Variants in ABCG4 observed in about 807,000 individuals in gnomAD.
ABCG4 encodes the protein ATP binding cassette subfamily G member 4, also known as ATP-binding cassette sub-family G member 4.
Under a neutral mutation model 64.6 loss-of-function variants are expected in ABCG4, and 35 were observed. The observed-to-expected ratio is 0.54, with a 90% CI of 0.41 to 0.72. The LOEUF is 0.72. ABCG4 is among the 30% of genes least tolerant of loss of function. The probability of loss-of-function intolerance (pLI) is 0.00; values close to 1 mark genes in which losing one functional copy is unlikely to be tolerated. For synonymous variants in ABCG4, 326 were observed against 348.2 expected (o/e 0.94, Z 0.71); for missense variants, 610 against 846.3 (o/e 0.72, Z 3.46).
At position 119,150,083 on chromosome 11, in the gene ABCG4, G is replaced by C; in HGVS notation, c.118G>C (p.Val40Leu). The change falls in exon 2 of 15, where the codon GTG becomes CTG. Residue 40 changes from valine (V) to leucine (L), a missense_variant. Physicochemically the swap from Val to Leu is conservative, Grantham distance 32 (BLOSUM62 1). Transcript: ENST00000619701. The surrounding 1 kb of genome is among the most constrained non-coding windows in gnomAD (Gnocchi z 4.3). Reference protein sequence around the residue: ...PPVLTTHLKKVENHITEAQRF... With the variant: ...PPVLTTHLKKLENHITEAQRF... ...TGTGCTGACCACGCACCTGAAGAAG[G>C]TGGAGAACCACATCACTGAAGCCCA... 5 of 1,614,178 alleles carry C rather than the reference G, an allele frequency of 3.1e-6. No individual in the cohort carries two copies. The highest frequency in any genetic ancestry group is 4.2e-6 in the Non-Finnish European group (5 of 1,180,026).
chr11:119,160,714 A>G lies in ABCG4; in HGVS notation c.1715+58A>G. The G allele has an allele frequency of 6.4e-7, 1 of 1,554,608 alleles. No homozygotes were observed. The highest frequency in any genetic ancestry group is 8.9e-7 in the Non-Finnish European group (1 of 1,127,578). ...CTCCTCCCTGGAGGAGTCCATACCCAGGGCTTCCTGGGTTGTGCCAAGTCT... is the reference window on the plus strand; with the variant it reads ...CTCCTCCCTGGAGGAGTCCATACCCGGGGCTTCCTGGGTTGTGCCAAGTCT... On this transcript the variant is annotated intron_variant, in intron 14 of 14. Coordinates refer to ENST00000619701, the MANE Select transcript of ABCG4 (RefSeq NM_022169.5). The surrounding 1 kb of genome is among the most constrained non-coding windows in gnomAD (Gnocchi z 4.6).
intron 9 of ABCG4, among the ~76,000 whole-genome samples, chr11:119,157,809 T>C (rs969342567): frequency 2.0e-5 from 3 of 152,048 alleles, no homozygotes; most frequent in Non-Finnish European, 4.4e-5. Flanking sequence ...GAGCTTGCAG[T>C]GAGCTGAGAT....
In ABCG4 at chr11:119,154,804, C is replaced by T. The variant is rs141832911; in HGVS notation, c.575C>T (p.Ser192Leu). The T allele has an allele frequency of 5.7e-5, 92 of 1,613,434 alleles. 1 individual carries two copies. The African/African-American group carries it at 9.5e-4, about 17-fold the overall frequency. ...ATCCTGACGGCACTGGGCCTGATGT[C>T]GTGCTCCCACACGAGGACAGCCCTG... ...TEILTALGLM[S>L]CSHTRTALLS... The change falls in exon 6 of 15, where the codon TCG becomes TTG. Residue 192 changes from serine (S) to leucine (L), a missense_variant. Physicochemically the swap from Ser to Leu is moderately radical, Grantham distance 145. Transcript: ENST00000619701. The surrounding 1 kb of genome is among the most constrained non-coding windows in gnomAD (Gnocchi z 7.0).
In ABCG4 at chr11:119,158,758, G is replaced by T. The variant is rs1199021514; in HGVS notation, c.1336+33G>T. ...GAGCTGCCCTGGGCATGGGGCAAGG[G>T]TGTGGGTGCTGGGGCTTGGGGCAGG... On this transcript the variant is annotated intron_variant, in intron 11 of 14. Coordinates refer to ENST00000619701, the MANE Select transcript of ABCG4 (RefSeq NM_022169.5). The surrounding 1 kb of genome is among the most constrained non-coding windows in gnomAD (Gnocchi z 4.5). 1.9e-6 allele frequency: 3 copies of T among 1,614,178 alleles called. No individual in the cohort carries two copies. The highest frequency in any genetic ancestry group is 1.1e-5 in the South Asian group (1 of 91,088).
chr11:119,158,587 G>C lies in ABCG4; in HGVS notation c.1198G>C (p.Val400Leu). 6.2e-7 allele frequency: 1 copy of C among 1,614,186 alleles called. No homozygotes were observed. Among genetic ancestry groups the C allele is most frequent in the Non-Finnish European group, 8.5e-7 (1 of 1,180,032 alleles). ...VLTHLRFMSH[V>L]VIGVLIGLLY... Reference sequence around the variant, plus strand: ...GACCCACCTACGGTTCATGTCCCACGTGGTTATTGGCGTGCTCATCGGCCT... The same window carrying C: ...GACCCACCTACGGTTCATGTCCCACCTGGTTATTGGCGTGCTCATCGGCCT... Residue 400 changes from valine (V) to leucine (L), a missense_variant, in exon 11 of 15, where the codon GTG (valine) becomes CTG (leucine). Val to Leu is a conservative substitution (Grantham distance 32). Transcript: ENST00000619701. The surrounding 1 kb of genome is among the most constrained non-coding windows in gnomAD (Gnocchi z 4.5).
In ABCG4 at chr11:119,158,229, C is replaced by CTT; in HGVS notation, c.1069-5_1069-4insTT. On this transcript the variant is annotated splice_region_variant and splice_polypyrimidine_tract_variant and intron_variant, in intron 9 of 14. Transcript: ENST00000619701. This position sits in a 1 kb window ranked among gnomAD's most constrained non-coding sequence, Gnocchi z 4.5. The stretch of plus-strand genomic sequence containing the variant: ...CCTGATCCCGATCCAATTTCTTCTT[C>CTT]CCAGGAAGTGGATCCCATTGAAAGC... 1 of 1,577,232 alleles carries CTT rather than the reference C, an allele frequency of 6.3e-7. No individual in the cohort carries two copies. Among genetic ancestry groups the CTT allele is most frequent in the African/African-American group, 1.3e-5 (1 of 74,272 alleles).
Position 119,158,465 on chromosome 11 carries a change from G to A in ABCG4, c.1168-92G>A, listed in dbSNP as rs1276431144. 1.3e-6 allele frequency: 2 copies of A among 1,578,066 alleles called. No individual in the cohort carries two copies. Among genetic ancestry groups the A allele is most frequent in the African/African-American group, 1.3e-5 (1 of 74,154 alleles). On this transcript the variant is annotated intron_variant, in intron 10 of 14. Coordinates refer to ENST00000619701, the MANE Select transcript of ABCG4 (RefSeq NM_022169.5). The surrounding 1 kb of genome is among the most constrained non-coding windows in gnomAD (Gnocchi z 4.5). ...ATGTGCCTGTGGGGTCTCTGTGCCT[G>A]TGAGGGCAGCTCCGAGTTCCTACTC...
In ABCG4 at chr11:119,156,538, T is replaced by G; in HGVS notation, c.811-26T>G. 3 of 1,614,076 alleles carry G rather than the reference T, an allele frequency of 1.9e-6. No individual in the cohort carries two copies. Among genetic ancestry groups the G allele is most frequent in the Non-Finnish European group, 2.5e-6 (3 of 1,179,988 alleles). ...TAGGGGTGCCTGGCCCGCTGTTCCT[T>G]CCTTACCCTTCTCTTTCTGCTGCAG... On this transcript the variant is annotated intron_variant, in intron 7 of 14. Coordinates refer to ENST00000619701, the MANE Select transcript of ABCG4 (RefSeq NM_022169.5). The surrounding 1 kb of genome is among the most constrained non-coding windows in gnomAD (Gnocchi z 5.5).
Position 119,156,991 on chromosome 11 carries a change from G to T in ABCG4, c.1045G>T (p.Ala349Ser). The T allele has an allele frequency of 6.2e-7, 1 of 1,611,270 alleles. No individual in the cohort carries two copies. Residue 349 changes from alanine to serine, a missense_variant, in exon 9 of 15, where the codon GCC becomes TCC. Ala to Ser is a moderately conservative substitution (Grantham distance 99, BLOSUM62 1). Coordinates refer to ENST00000619701, the MANE Select transcript of ABCG4 (RefSeq NM_022169.5). This position sits in a 1 kb window ranked among gnomAD's most constrained non-coding sequence, Gnocchi z 5.5. ...KSSPEKNEVP[A>S]PCPPCPPEVD... ...CAGCCCTGAGAAGAACGAGGTCCCT[G>T]CCCCATGCCCTCCTTGTCCTCCGGT... is the stretch of plus-strand genomic sequence containing the variant.
At position 119,150,003 on chromosome 11, in the gene ABCG4, T is replaced by A; in HGVS notation, c.38T>A (p.Leu13Gln). ...GCGCTGGAGGCCGTGGGCTGTGGAC[T>A]AGGGCCGGGGGCTGTGGCCATGGCC... is the stretch of plus-strand genomic sequence containing the variant. Reference protein sequence around the residue: ...EKALEAVGCGLGPGAVAMAVT... With the variant: ...EKALEAVGCGQGPGAVAMAVT... The change falls in exon 2 of 15, where the codon CTA (leucine) becomes CAA (glutamine). Residue 13 changes from leucine to glutamine, a missense_variant. Leu to Gln is a moderately radical substitution (Grantham distance 113, BLOSUM62 -2). Coordinates refer to ENST00000619701, the MANE Select transcript of ABCG4 (RefSeq NM_022169.5). The surrounding 1 kb of genome is among the most constrained non-coding windows in gnomAD (Gnocchi z 4.3). The A allele has an allele frequency of 1.2e-6, 2 of 1,610,768 alleles. No homozygotes were observed. Among genetic ancestry groups the A allele is most frequent in the Non-Finnish European group, 1.7e-6 (2 of 1,179,752 alleles).
Position 119,150,148 on chromosome 11 carries a change from C to CGA in ABCG4, c.185_186dup (p.Phe63SerfsTer36). On this transcript the variant is annotated frameshift_variant, in exon 2 of 15. Coordinates refer to ENST00000619701, the MANE Select transcript of ABCG4 (RefSeq NM_022169.5). LOFTEE classifies it high-confidence loss of function. This position sits in a 1 kb window ranked among gnomAD's most constrained non-coding sequence, Gnocchi z 4.3. ...TACCCAAGCGCTCAGCCGTGGACAT[C>CGA]GAGTTCGTGGAGCTGTCCTATTCCG... is the stretch of plus-strand genomic sequence containing the variant. The CGA allele has an allele frequency of 6.2e-7, 1 of 1,614,158 alleles. No homozygotes were observed. The highest frequency in any genetic ancestry group is 1.7e-5 in the Admixed American group (1 of 60,032).
chr11:119,151,969 G>A (rs886854869), intron 2 of ABCG4, among the ~76,000 whole-genome samples: 1 of 152,236 alleles, frequency 6.6e-6, no homozygotes, highest in Admixed American at 6.5e-5. Flanking sequence ...GTGAAGCTCA[G>A]CTGAGACGGT....
chr11:119,159,770 G>A (rs1418900188), intron 12 of ABCG4, among the ~76,000 whole-genome samples: 1 of 152,054 alleles, frequency 6.6e-6, no homozygotes, highest in African/African-American at 2.4e-5. Context: ...TTAATAAGAA[G>A]AGCACAAGCT....
chr11:119,152,134 G>A (rs1565812966), intron 2 of ABCG4, among the ~76,000 whole-genome samples: 1 of 152,222 alleles, frequency 6.6e-6, no homozygotes. Flanking sequence ...ATGCTGGAGT[G>A]CGCCACCAAA....
intron 2 of ABCG4, among the ~76,000 whole-genome samples, chr11:119,151,849 A>C (rs78896743): frequency 6.6e-6 from 1 of 152,196 alleles, no homozygotes; most frequent in Admixed American, 6.5e-5. Flanking sequence ...GTTGTGGGAC[A>C]TGGGTTCCTA....
In ABCG4 at chr11:119,149,619, AG is replaced by A; in HGVS notation, c.-13+257del. 3.3e-6 allele frequency: 1 copy of A among 301,068 alleles called. No individual in the cohort carries two copies. Among genetic ancestry groups the A allele is most frequent in the Non-Finnish European group, 6.4e-6 (1 of 157,450 alleles). 18.6% of individuals were successfully genotyped at this position (301,068 alleles called of 1,614,324 possible). On this transcript the variant is annotated intron_variant, in intron 1 of 14. Coordinates refer to ENST00000619701, the MANE Select transcript of ABCG4 (RefSeq NM_022169.5). This position sits in a 1 kb window ranked among gnomAD's most constrained non-coding sequence, Gnocchi z 8.3. ...GCTACCCCGACCTCCTAGAGCGGGC[AG>A]CCTCTGCCGGCTGCCTCTTCTCCCC...
In ABCG4 at chr11:119,156,798, A is replaced by G; in HGVS notation, c.926-74A>G. ...TCACCGTCGCCTGCCTTCCCCACAC[A>G]CCCAAGGCGGGACTGACTTGCCCTT... On this transcript the variant is annotated intron_variant, in intron 8 of 14. Transcript: ENST00000619701. The surrounding 1 kb of genome is among the most constrained non-coding windows in gnomAD (Gnocchi z 5.5). The G allele has an allele frequency of 5.0e-6, 8 of 1,585,164 alleles. No individual in the cohort carries two copies. Among genetic ancestry groups the G allele is most frequent in the Non-Finnish European group, 6.0e-6 (7 of 1,159,890 alleles).
In ABCG4 at chr11:119,150,851, C is replaced by T. The variant is rs748829615; in HGVS notation, c.238+648C>T. Among the ~76,000 whole-genome samples, 30 of 152,226 alleles carry T rather than the reference C, an allele frequency of 2.0e-4. No individual in the cohort carries two copies. The highest frequency in any genetic ancestry group is 6.5e-4 in the Admixed American group (10 of 15,278). ...AGCAGTCCCATCACTTCCCTCTTCCCGCCCATGAGGACAGGTTCCCCTGAA... is the reference window on the plus strand; with the variant it reads ...AGCAGTCCCATCACTTCCCTCTTCCTGCCCATGAGGACAGGTTCCCCTGAA... On this transcript the variant is annotated intron_variant, in intron 2 of 14. Transcript: ENST00000619701. The surrounding 1 kb of genome is among the most constrained non-coding windows in gnomAD (Gnocchi z 4.3).
Position 119,160,205 on chromosome 11 carries a change from C to A in ABCG4, c.1438-22C>A. 3 of 1,597,726 alleles carry A rather than the reference C, an allele frequency of 1.9e-6. No homozygotes were observed. The highest frequency in any genetic ancestry group is 2.6e-6 in the Non-Finnish European group (3 of 1,167,588). ...GTGCCCCTGGCTTGAAGTCCACTGTCCAGCCCGTGCCCACTCCCCAGGTGG... is the reference window on the plus strand; with the variant it reads ...GTGCCCCTGGCTTGAAGTCCACTGTACAGCCCGTGCCCACTCCCCAGGTGG... On this transcript the variant is annotated intron_variant, in intron 12 of 14. Transcript: ENST00000619701. The surrounding 1 kb of genome is among the most constrained non-coding windows in gnomAD (Gnocchi z 4.6).
Sources: allele counts gnomAD v4.1 joint callset (sites outside exome capture counted in the v4.1 genomes callset), GRCh38; gene constraint gnomAD v4.1.1; non-coding constraint Gnocchi (gnomAD v3.1); transcripts MANE v1.5; gene names NCBI Gene and HGNC (gene_info 2026-07-23, HGNC 2026-07-21).